PLCB1: variants seen among roughly 807,000 people sequenced by gnomAD.
The protein encoded by PLCB1 is 1-phosphatidylinositol 4,5-bisphosphate phosphodiesterase beta-1.
Under a neutral mutation model 161.8 loss-of-function variants are expected in PLCB1, and 46 were observed. The observed-to-expected ratio is 0.28, with a 90% confidence interval of 0.22 to 0.36. PLCB1 has a LOEUF of 0.36. Ranked by LOEUF, PLCB1 falls within the 10% of genes least tolerant of loss-of-function variation. The pLI, the probability that PLCB1 is intolerant of heterozygous loss-of-function variation, is 1.00. For missense variants in PLCB1, 1,016 were observed against 1,472.5 expected, an observed-to-expected ratio of 0.69 and a Z score of 5.07; for synonymous variants, 517 against 503.7, an observed-to-expected ratio of 1.03 and a Z score of -0.35.
intron 9 of PLCB1, among the ~76,000 whole-genome samples, chr20:8,665,647 G>A (rs1357402042): frequency 6.6e-6 from 1 of 152,078 alleles, no homozygotes; most frequent in East Asian, 1.9e-4. Context: ...GTGTAAGGAT[G>A]TACACTTGAC....
chr20:8,773,890 C>G (rs1982813112), intron 26 of PLCB1, among the ~76,000 whole-genome samples: 1 of 150,654 alleles, frequency 6.6e-6, no homozygotes, highest in Non-Finnish European at 1.5e-5. Flanking sequence ...AGGAGAATCA[C>G]TCAAACGTGG....
intron 3 of PLCB1, among the ~76,000 whole-genome samples, chr20:8,581,779 G>A (rs534560323): frequency 6.6e-6 from 1 of 152,226 alleles, no homozygotes; most frequent in Admixed American, 6.5e-5. Flanking sequence ...TAGCTATTGA[G>A]TATTTCTACT....
intron 2 of PLCB1, among the ~76,000 whole-genome samples, chr20:8,200,996 GCTTTTCTC>G (rs1335738950): frequency 6.6e-6 from 1 of 152,002 alleles, no homozygotes; most frequent in Non-Finnish European, 1.5e-5. Flanking sequence ...AATAAAATAA[GCTTTTCTC>G]CTCTGCTGCA....
At chr20:8,723,856 G>A (rs999810782) in intron 15 of PLCB1, among the ~76,000 whole-genome samples, 9 of 152,056 alleles carry the variant, frequency 5.9e-5, no homozygotes, top group Admixed American at 2.0e-4. Flanking sequence ...AGCCAAGAAG[G>A]GAGGGAGGGA....
chr20:8,311,978 C>T (rs1196953465), intron 2 of PLCB1, among the ~76,000 whole-genome samples: 3 of 152,116 alleles, frequency 2.0e-5, no homozygotes, highest in African/African-American at 7.2e-5. Flanking sequence ...TTTTGATGTC[C>T]CCTCTTCCCT....
chr20:8,657,166 CGTT>C lies in PLCB1; in HGVS notation c.595-14_595-12del. On this transcript the variant is annotated splice_polypyrimidine_tract_variant and intron_variant, in intron 7 of 31. Transcript: ENST00000338037. ...AAGGAAAAAGACCATTTGCTGACTC[CGTT>C]GTTTTATTTCCCAGAATGATTCAAT... is the stretch of plus-strand genomic sequence containing the variant. The C allele has an allele frequency of 7.0e-7, 1 of 1,437,604 alleles. No homozygotes were observed. Among genetic ancestry groups the C allele is most frequent in the Non-Finnish European group, 9.8e-7 (1 of 1,020,174 alleles). The allele number at this position is 1,437,604 out of a possible 1,614,324, so 89.1% of individuals were successfully genotyped here. A position where few individuals can be genotyped will look rare whatever the true frequency, so the allele number is the denominator to read the frequency against.
At chr20:8,358,405 T>C (rs191376727) in intron 2 of PLCB1, among the ~76,000 whole-genome samples, 2 of 152,122 alleles carry the variant, frequency 1.3e-5, no homozygotes, top group East Asian at 3.9e-4. Flanking sequence ...CCCTCCAACA[T>C]GCCCGGCTAA....
intron 27 of PLCB1, among the ~76,000 whole-genome samples, chr20:8,787,801 G>C (rs777623486): frequency 6.6e-6 from 1 of 152,182 alleles, no homozygotes; most frequent in Non-Finnish European, 1.5e-5. Flanking sequence ...AAATACTTGC[G>C]TTCACAGTGA....
intron 31 of PLCB1, among the ~76,000 whole-genome samples, chr20:8,838,725 AG>A (rs1986385662): frequency 6.9e-6 from 1 of 145,190 alleles, no homozygotes; most frequent in African/African-American, 2.6e-5. Context: ...AGGGCTGGTG[AG>A]TCTCACTATA....
At chr20:8,696,732 T>TTATA (rs1345198592) in intron 10 of PLCB1, among the ~76,000 whole-genome samples, 5 of 152,134 alleles carry the variant, frequency 3.3e-5, no homozygotes, top group Non-Finnish European at 7.3e-5. Flanking sequence ...TTAAATTTAT[T>TTATA]TATTTATTTA....
intron 4 of PLCB1, among the ~76,000 whole-genome samples, chr20:8,629,879 C>T (rs201164458): frequency 0.12 from 10,647 of 85,662 alleles, 406 homozygotes; most frequent in African/African-American, 0.16. Flanking sequence ...CTTTCTTTCT[C>T]TCTCTCTTTC....
intron 2 of PLCB1, among the ~76,000 whole-genome samples, chr20:8,296,567 A>G (rs1003963583): frequency 7.9e-5 from 12 of 152,178 alleles, no homozygotes; most frequent in Admixed American, 7.2e-4. Flanking sequence ...TCTTGAGGTT[A>G]GGAGGAAAGG....
chr20:8,313,933 T>A (rs1418244986), intron 2 of PLCB1, among the ~76,000 whole-genome samples: 1 of 152,232 alleles, frequency 6.6e-6, no homozygotes, highest in Non-Finnish European at 1.5e-5. Flanking sequence ...AACAATGTCT[T>A]GTTGCTTCAA....
At chr20:8,424,274 C>A (rs2122555244) in intron 3 of PLCB1, among the ~76,000 whole-genome samples, 1 of 152,242 alleles carries the variant, frequency 6.6e-6, no homozygotes, top group East Asian at 1.9e-4. Context: ...GGTGAAGATT[C>A]ATGTTTGAGT....
chr20:8,801,310 A>C (rs1455300849), intron 31 of PLCB1, among the ~76,000 whole-genome samples: 3 of 151,930 alleles, frequency 2.0e-5, no homozygotes, highest in Non-Finnish European at 4.4e-5. Context: ...ACTTTATTAA[A>C]ATTTACAACC....
chr20:8,757,899 A>C (rs2123565039), intron 24 of PLCB1, among the ~76,000 whole-genome samples: 1 of 151,644 alleles, frequency 6.6e-6, no homozygotes, highest in African/African-American at 2.4e-5. Flanking sequence ...AAATAAAATA[A>C]AAATCCTTTG....
intron 3 of PLCB1, among the ~76,000 whole-genome samples, chr20:8,593,001 C>A (rs1042306518): frequency 1.3e-5 from 2 of 152,058 alleles, no homozygotes; most frequent in Admixed American, 1.3e-4. Context: ...ATCCAGGCCC[C>A]TCATTTTTTA....
Position 8,654,914 on chromosome 20 carries a change from GCTTA to G in PLCB1, c.595-2265_595-2262del, listed in dbSNP as rs1989415801. Reference sequence around the variant, plus strand: ...GCCTTTCATCTCAGCATTTAATGATGCTTACTTATTTTAACTCCTCTTTATGGAA... The same window carrying G: ...GCCTTTCATCTCAGCATTTAATGATGCTTATTTTAACTCCTCTTTATGGAA... On this transcript the variant is annotated intron_variant, in intron 7 of 31. Transcript: ENST00000338037. 2.0e-5 allele frequency among the ~76,000 whole-genome samples: 3 copies of G among 151,946 alleles called. No homozygotes were observed. In the South Asian group the frequency reaches 6.2e-4, roughly 32 times the overall value.
At position 8,546,648 on chromosome 20, in the gene PLCB1, A is replaced by G. The variant is rs908676204; in HGVS notation, c.247-81646A>G. Among the ~76,000 whole-genome samples, 18 of 152,290 alleles carry G rather than the reference A, an allele frequency of 1.2e-4. No homozygotes were observed. The East Asian group carries it at 2.5e-3, about 21-fold the overall frequency. ...CCTTGCTGCAAAAATAAGTATATTC[A>G]GCACAGAGCTGATAAACCTCAGATC... On this transcript the variant is annotated intron_variant, in intron 3 of 31. Transcript: ENST00000338037.
Sources: gnomAD v4.1 joint callset for allele counts (sites outside exome capture counted in the v4.1 genomes callset) on GRCh38, gnomAD v4.1.1 for gene constraint, MANE v1.5 for transcripts, NCBI Gene and HGNC (gene_info 2026-07-23, HGNC 2026-07-21) for gene names.